The following NFATC4 variants were observed in gnomAD, a reference collection of about 807,000 sequenced individuals.
NFATC4 encodes nuclear factor of activated T-cells, cytoplasmic 4.
In NFATC4, 25 loss-of-function variants were observed where a neutral mutation model predicts 73.4. The observed-to-expected ratio is 0.34, with a 90% CI of 0.25 to 0.48. NFATC4 has a LOEUF of 0.48. Ranked by LOEUF, NFATC4 falls within the 20% of genes least tolerant of loss-of-function variation. The pLI is 0.99. For missense variants in NFATC4, 1,130 were observed against 1,203.7 expected, an observed-to-expected ratio of 0.94 and a Z score of 0.91; for synonymous variants, 523 against 510.3, an observed-to-expected ratio of 1.02 and a Z score of -0.34.
chr14:24,368,928 G>C (rs963432873), intron 1 of NFATC4: 31 of 536,222 alleles, frequency 5.8e-5, no homozygotes, highest in Non-Finnish European at 7.1e-5. Context: ...GCCGCCGCTC[G>C]CACGAATCCG....
intron 6 of NFATC4, among the ~76,000 whole-genome samples, chr14:24,375,134 C>T (rs532807700): frequency 2.5e-3 from 388 of 152,198 alleles, no homozygotes; most frequent in Non-Finnish European, 4.5e-3. Context: ...CTCCTGGACT[C>T]AAGTGATCCT....
chr14:24,374,658 G>T, intron 6 of NFATC4, 192 bp downstream of exon 6: 1 of 542,690 alleles, frequency 1.8e-6, no homozygotes. Context: ...AATCTAAAAT[G>T]TTGAGGATGC....
rs755562231 is a variant in NFATC4 at position 24,373,705 on chromosome 14, G to A, written c.1570G>A (p.Ala524Thr). The A allele has an allele frequency of 5.0e-6, 8 of 1,609,500 alleles. No homozygotes were observed. The highest frequency in any genetic ancestry group is 5.9e-6 in the Non-Finnish European group (7 of 1,176,952). ...ATCCTTTGCCTCCAGCATTGACTGC[G>A]CGGGAATCCTGAAGCTTCGGAATTC... ...ENNMAANIDC[A>T]GILKLRNSDI... Residue 524 changes from alanine to threonine, a missense_variant, in exon 5 of 10, where the codon GCG (alanine) becomes ACG (threonine). Transcript: ENST00000250373. The surrounding 1 kb of genome is among the most constrained non-coding windows in gnomAD (Gnocchi z 4.7).
At chr14:24,367,992 GTTT>G, upstream of NFATC4, 4 of 885,030 alleles carry the variant, frequency 4.5e-6, no homozygotes, top group Non-Finnish European at 2.6e-6. Context: ...TTCCAATTCA[GTTT>G]TTTTTTTTTT....
At position 24,378,920 on chromosome 14, in the gene NFATC4, T is replaced by TTATCTATCTATA. The variant is rs2042700751; in HGVS notation, c.*1215_*1216insTATCTATCTATA. The TTATCTATCTATA allele has an allele frequency of 1.3e-5, 2 of 152,300 alleles. No homozygotes were observed. Among genetic ancestry groups the TTATCTATCTATA allele is most frequent in the Admixed American group, 6.5e-5 (1 of 15,280 alleles). 9.4% of individuals were successfully genotyped at this position (152,300 alleles called of 1,614,324 possible). A position where few individuals can be genotyped will look rare whatever the true frequency, so the allele number is the denominator to read the frequency against. On this transcript the variant is annotated 3_prime_UTR_variant, in exon 10 of 10. Coordinates refer to ENST00000250373, the MANE Select transcript of NFATC4 (RefSeq NM_004554.5). ...CTGGGAAAAGTCACTTTGTCTGTCT[T>TTATCTATCTATA]GTTCACCTGGAGCCTGACACACCGT...
intron 1 of NFATC4, 110 bp downstream of exon 1, chr14:24,368,550 A>C: frequency 2.1e-6 from 2 of 972,130 alleles, no homozygotes; most frequent in Non-Finnish European, 2.5e-6. Context: ...AGGGAGTCAG[A>C]GGTCGAAGGG....
chr14:24,373,549 C>G lies in NFATC4; in HGVS notation c.1560-146C>G. The stretch of plus-strand genomic sequence containing the variant: ...TGGGGTTGGGGGTACCCCAGAGAGG[C>G]CATCTCTGGGTTAGAAAATAGCCTC... On this transcript the variant is annotated intron_variant, in intron 4 of 9. Coordinates refer to ENST00000250373, the MANE Select transcript of NFATC4 (RefSeq NM_004554.5). The surrounding 1 kb of genome is among the most constrained non-coding windows in gnomAD (Gnocchi z 4.7). 1 of 1,369,158 alleles carries G rather than the reference C, an allele frequency of 7.3e-7. No homozygotes were observed. 84.8% of individuals were successfully genotyped at this position (1,369,158 alleles called of 1,614,324 possible).
chr14:24,370,426 G>A lies in NFATC4; in HGVS notation c.1028G>A (p.Arg343Gln), dbSNP rs749336968. ...TSSEQAVALP[R>Q]SEEPASCNGK... ...AGCGAGCAGGCAGTGGCTCTGCCTC[G>A]GTCTGAGGAGCCTGCCTCATGCAAT... The change falls in exon 2 of 10, where the codon CGG becomes CAG. Residue 343 changes from arginine to glutamine, a missense_variant. Around this residue, in one of 3 missense-constraint regions of NFATC4, gnomAD observed 585 missense variants for 574.3 expected, o/e 1.02. Coordinates refer to ENST00000250373, the MANE Select transcript of NFATC4 (RefSeq NM_004554.5). 4 of 1,614,054 alleles carry A rather than the reference G, an allele frequency of 2.5e-6. No individual in the cohort carries two copies. Among genetic ancestry groups the A allele is most frequent in the Non-Finnish European group, 3.4e-6 (4 of 1,180,024 alleles).
chr14:24,370,714 C>A, intron 2 of NFATC4, 120 bp downstream of exon 2: 7 of 1,357,364 alleles, frequency 5.2e-6, no homozygotes, highest in Non-Finnish European at 6.9e-6. Flanking sequence ...AGAGTATCTG[C>A]AACCAGCTCA....
At position 24,377,219 on chromosome 14, in the gene NFATC4, T is replaced by C; in HGVS notation, c.2641+341T>C. 1 of 1,256,418 alleles carries C rather than the reference T, an allele frequency of 8.0e-7. No homozygotes were observed. Among genetic ancestry groups the C allele is most frequent in the Non-Finnish European group, 1.0e-6 (1 of 1,002,112 alleles). 77.8% of individuals were successfully genotyped at this position (1,256,418 alleles called of 1,614,324 possible). On this transcript the variant is annotated intron_variant, in intron 9 of 9. Transcript: ENST00000250373. The surrounding 1 kb of genome is among the most constrained non-coding windows in gnomAD (Gnocchi z 4.2). ...GGCGTTGAGTTCCAGAGAGGGATGG[T>C]AGCTTGCTGAGGTCCCAGTCAAGCA...
chr14:24,368,913 C>A, intron 1 of NFATC4: 2 of 356,058 alleles, frequency 5.6e-6, no homozygotes, highest in Non-Finnish European at 8.1e-6. Flanking sequence ...GAGCCGGGGG[C>A]GGCGGCCGCC....
chr14:24,367,833 TG>T (rs2042347093), upstream of NFATC4, among the ~76,000 whole-genome samples: 1 of 152,162 alleles, frequency 6.6e-6, no homozygotes, highest in Non-Finnish European at 1.5e-5. Context: ...CTCTCTACCC[TG>T]GGGGCCCAGG....
At chr14:24,368,031 A>C (rs1435082999), upstream of NFATC4, 4 of 795,484 alleles carry the variant, frequency 5.0e-6, no homozygotes, top group East Asian at 1.3e-4. Context: ...AAGAGAGGAC[A>C]GAGGGAGGGA....
At position 24,372,468 on chromosome 14, in the gene NFATC4, G is replaced by T. The variant is rs1400380508; in HGVS notation, c.1224G>T (p.Trp408Cys). Residue 408 changes from tryptophan to cysteine, a missense_variant, in exon 3 of 10, where the codon TGG becomes TGT. Physicochemically the swap from Trp to Cys is radical, Grantham distance 215. Transcript: ENST00000250373. ...FRTSALPPLD[W>C]PLPSQYEQLE... Reference sequence around the variant, plus strand: ...CCTCTGCCCTACCCCCACTGGACTGGCCTCTGCCCAGCCAATATGAGCAGC... The same window carrying T: ...CCTCTGCCCTACCCCCACTGGACTGTCCTCTGCCCAGCCAATATGAGCAGC... 2 of 1,613,668 alleles carry T rather than the reference G, an allele frequency of 1.2e-6. No homozygotes were observed. Among genetic ancestry groups the T allele is most frequent in the African/African-American group, 2.7e-5 (2 of 74,860 alleles).
At position 24,375,643 on chromosome 14, in the gene NFATC4, C is replaced by T; in HGVS notation, c.1874-17C>T. 3.2e-6 allele frequency: 5 copies of T among 1,543,582 alleles called. No individual in the cohort carries two copies. Among genetic ancestry groups the T allele is most frequent in the African/African-American group, 1.4e-5 (1 of 72,848 alleles). On this transcript the variant is annotated splice_polypyrimidine_tract_variant and intron_variant, in intron 6 of 9. Transcript: ENST00000250373. ...GGCGCTGGAGTTGGGCTGCAGCTCT[C>T]TGTTCCCTCTGGACAGATGGGAAGC...
In NFATC4 at chr14:24,377,936, G is replaced by T. The variant is rs374414911; in HGVS notation, c.*231G>T. 4.1e-5 allele frequency: 35 copies of T among 843,732 alleles called. No individual in the cohort carries two copies. In the East Asian group the frequency reaches 4.4e-4, roughly 11 times the overall value. The allele number at this position is 843,732 out of a possible 1,614,324, so 52.3% of individuals were successfully genotyped here. A position where few individuals can be genotyped will look rare whatever the true frequency, so the allele number is the denominator to read the frequency against. Reference sequence around the variant, plus strand: ...AGGAGTGTGTGGAGGAGGGAGGAGGGTGAAGACTGAGGCTAGGTGCCAGAA... The same window carrying T: ...AGGAGTGTGTGGAGGAGGGAGGAGGTTGAAGACTGAGGCTAGGTGCCAGAA... On this transcript the variant is annotated 3_prime_UTR_variant, in exon 10 of 10. Transcript: ENST00000250373. This position sits in a 1 kb window ranked among gnomAD's most constrained non-coding sequence, Gnocchi z 4.2.
chr14:24,375,621 G>T, intron 6 of NFATC4, 39 bp from the exon 7 acceptor site: 5 of 1,549,786 alleles, frequency 3.2e-6, no homozygotes, highest in Non-Finnish European at 4.4e-6. Flanking sequence ...GGACAGGGGC[G>T]CTGGAGTTGG....
intron 5 of NFATC4, chr14:24,374,097 T>C (rs1360830363): frequency 1.1e-6 from 1 of 888,662 alleles, no homozygotes; most frequent in Non-Finnish European, 1.8e-6. Context: ...CCCTGTGCCC[T>C]TGTTTGGGAA....
chr14:24,369,206 C>T, intron 1 of NFATC4: 1 of 1,528,040 alleles, frequency 6.5e-7, no homozygotes, highest in Non-Finnish European at 8.7e-7. Context: ...CGCCTCCAGG[C>T]CCAGCCCCAG....
Sources: allele counts gnomAD v4.1 joint callset (sites outside exome capture counted in the v4.1 genomes callset), GRCh38; gene constraint gnomAD v4.1.1; regional missense constraint gnomAD v4.1.1; non-coding constraint Gnocchi (gnomAD v3.1); transcripts MANE v1.5; gene names NCBI Gene and HGNC (gene_info 2026-07-23, HGNC 2026-07-21).